CDH18: variants seen among roughly 807,000 people sequenced by gnomAD.
CDH18 encodes cadherin 18, also known as cadherin-18.
In CDH18, 31 loss-of-function variants were observed where a neutral mutation model predicts 67.9. The ratio of observed to expected loss-of-function variants is 0.46; its 90% CI spans 0.34 to 0.62. The LOEUF (loss-of-function observed/expected upper bound fraction) is 0.62. CDH18 is among the 20% of genes least tolerant of loss of function. CDH18 has a pLI of 0.01. For missense variants in CDH18, 890 were observed against 975.5 expected, an observed-to-expected ratio of 0.91 and a Z score of 1.17; for synonymous variants, 362 against 347.2, an observed-to-expected ratio of 1.04 and a Z score of -0.48.
chr5:20,573,271 A>C (rs1758909825), intron 1 of CDH18, among the ~76,000 whole-genome samples: 1 of 152,068 alleles, frequency 6.6e-6, no homozygotes. Flanking sequence ...CAGAAAAAAA[A>C]CTTAGCATTG....
chr5:20,069,392 T>C (rs547985165), intron 2 of CDH18, among the ~76,000 whole-genome samples: 11 of 131,728 alleles, frequency 8.4e-5, no homozygotes, highest in African/African-American at 2.7e-4. Context: ...TGCATTGCCC[T>C]CTTTTTTTTA....
intron 4 of CDH18, among the ~76,000 whole-genome samples, chr5:19,745,130 G>A (rs1769809916): frequency 6.6e-6 from 1 of 152,062 alleles, no homozygotes; most frequent in Non-Finnish European, 1.5e-5. Context: ...TTGTTTCTGT[G>A]GCTACTAGCT....
At chr5:19,751,944 C>A (rs181197671) in intron 3 of CDH18, among the ~76,000 whole-genome samples, 1 of 152,100 alleles carries the variant, frequency 6.6e-6, no homozygotes, top group Admixed American at 6.6e-5. Flanking sequence ...TGAGAGTACT[C>A]GCAGACCCTC....
chr5:20,350,753 T>C (rs1013875107), intron 1 of CDH18, among the ~76,000 whole-genome samples: 49 of 152,148 alleles, frequency 3.2e-4, no homozygotes, highest in African/African-American at 1.1e-3. Context: ...ATAAGATATA[T>C]GAAGGTAGTT....
At chr5:20,089,764 G>T (rs895676396) in intron 2 of CDH18, among the ~76,000 whole-genome samples, 3 of 152,028 alleles carry the variant, frequency 2.0e-5, no homozygotes, top group Non-Finnish European at 4.4e-5. Context: ...TTCTTACTTG[G>T]ATCCTAAGTA....
chr5:19,963,248 C>T (rs550519712), intron 2 of CDH18, among the ~76,000 whole-genome samples: 1 of 152,194 alleles, frequency 6.6e-6, no homozygotes, highest in East Asian at 1.9e-4. Context: ...TCATTCCTAT[C>T]CAACTTTTCA....
At chr5:20,013,868 C>T (rs1464129359) in intron 2 of CDH18, among the ~76,000 whole-genome samples, 1 of 151,944 alleles carries the variant, frequency 6.6e-6, no homozygotes, top group Non-Finnish European at 1.5e-5. Context: ...TTTTATATAG[C>T]CAAGTATATA....
At chr5:20,429,191 C>T (rs542240733) in intron 1 of CDH18, among the ~76,000 whole-genome samples, 4 of 152,136 alleles carry the variant, frequency 2.6e-5, no homozygotes, top group South Asian at 4.1e-4. Flanking sequence ...AGAATCCTGA[C>T]TCTGCAGGTT....
At chr5:19,845,332 T>A (rs1782808228) in intron 2 of CDH18, among the ~76,000 whole-genome samples, 1 of 152,272 alleles carries the variant, frequency 6.6e-6, no homozygotes, top group East Asian at 1.9e-4. Flanking sequence ...CTGTTTTTAT[T>A]TCGCTATTTA....
chr5:19,785,914 T>C (rs1775729756), intron 3 of CDH18, among the ~76,000 whole-genome samples: 1 of 151,344 alleles, frequency 6.6e-6, no homozygotes, highest in Non-Finnish European at 1.5e-5. Flanking sequence ...ATTTACATGT[T>C]CAGTAAATGT....
At chr5:19,622,049 T>A (rs2150144671) in intron 5 of CDH18, among the ~76,000 whole-genome samples, 1 of 152,234 alleles carries the variant, frequency 6.6e-6, no homozygotes, top group Middle Eastern at 3.4e-3. Context: ...AAGAAACAGC[T>A]ATGGGATCCT....
chr5:20,165,598 T>A (rs752111965), intron 2 of CDH18, among the ~76,000 whole-genome samples: 2 of 152,130 alleles, frequency 1.3e-5, no homozygotes, highest in Non-Finnish European at 1.5e-5. Context: ...TTTAAATTCA[T>A]CCAATAGCTC....
At chr5:19,721,631 C>T (rs879457708) in intron 4 of CDH18, among the ~76,000 whole-genome samples, 165 bp from the exon 5 acceptor site, 13 of 152,022 alleles carry the variant, frequency 8.6e-5, no homozygotes, top group South Asian at 2.1e-4. Flanking sequence ...GCTTTCTTTC[C>T]CTGTCATCGA....
chr5:20,342,128 G>T (rs758400397), intron 1 of CDH18, among the ~76,000 whole-genome samples: 1 of 152,128 alleles, frequency 6.6e-6, no homozygotes, highest in Non-Finnish European at 1.5e-5. Flanking sequence ...CATATGAGTG[G>T]CTGACCTGCA....
rs546934563 is a variant in CDH18 at position 20,353,814 on chromosome 5, C to T, written c.-579-98309G>A. 2.6e-5 allele frequency among the ~76,000 whole-genome samples: 4 copies of T among 152,292 alleles called. No individual in the cohort carries two copies. In the South Asian group the frequency reaches 8.3e-4, roughly 32 times the overall value. On this transcript the variant is annotated intron_variant, in intron 1 of 14. Transcript: ENST00000507958. ...CTGCACCAGCTGAGCCCCCAGAGTT[C>T]CTGCATCCTTTCATCCTTTCTCCCA...
intron 2 of CDH18, among the ~76,000 whole-genome samples, chr5:20,190,433 A>G (rs567842655): frequency 1.2e-4 from 19 of 152,076 alleles, no homozygotes; most frequent in Non-Finnish European, 2.1e-4. Flanking sequence ...CTAATCCCCG[A>G]TTGATACTCT....
chr5:19,700,363 G>A (rs537115182), intron 5 of CDH18, among the ~76,000 whole-genome samples: 5 of 152,128 alleles, frequency 3.3e-5, no homozygotes, highest in Admixed American at 6.5e-5. Context: ...AATCTTATGC[G>A]ACCACCATTG....
chr5:19,478,972 T>A (rs2126548110), intron 12 of CDH18, among the ~76,000 whole-genome samples: 1 of 152,354 alleles, frequency 6.6e-6, no homozygotes, highest in East Asian at 1.9e-4. Flanking sequence ...ATATCTATCA[T>A]TTAAAGTTAG....
chr5:20,304,115 A>T, intron 1 of CDH18: 1 of 1,609,742 alleles, frequency 6.2e-7, no homozygotes. Flanking sequence ...TACCCGAATC[A>T]ACATGGTGAC....
Sources: gnomAD v4.1 joint callset for allele counts (sites outside exome capture counted in the v4.1 genomes callset) on GRCh38, gnomAD v4.1.1 for gene constraint, MANE v1.5 for transcripts, NCBI Gene and HGNC (gene_info 2026-07-23, HGNC 2026-07-21) for gene names.